The following COL13A1 variants were observed in gnomAD, a reference collection of about 807,000 sequenced individuals.
The protein encoded by COL13A1 is collagen alpha-1(XIII) chain.
In COL13A1, 89 loss-of-function variants were observed where a neutral mutation model predicts 130.9. The observed-to-expected ratio is 0.68, with a 90% CI of 0.57 to 0.81. The LOEUF (loss-of-function observed/expected upper bound fraction) is 0.81, where lower values mean the gene tolerates loss of function less well. Among genes scored for constraint, COL13A1 ranks in the 30% least tolerant of loss-of-function variants. The pLI is 0.00. For synonymous variants in COL13A1, 402 were observed against 341.6 expected (o/e 1.18, Z -1.95); for missense variants, 879 against 934.6 (o/e 0.94, Z 0.78).
chr10:69,887,820 C>T (rs1015313896), intron 8 of COL13A1, among the ~76,000 whole-genome samples: 2 of 152,212 alleles, frequency 1.3e-5, no homozygotes, highest in African/African-American at 4.8e-5. Flanking sequence ...CACCCTGCAG[C>T]TCAGCCTGTG....
chr10:69,841,551 A>T (rs1468514459), intron 2 of COL13A1, among the ~76,000 whole-genome samples: 1 of 152,236 alleles, frequency 6.6e-6, no homozygotes, highest in Non-Finnish European at 1.5e-5. Context: ...CACTCACTCC[A>T]TGCCATGCCT....
chr10:69,848,932 G>T (rs1327566700), intron 2 of COL13A1, among the ~76,000 whole-genome samples: 1 of 152,154 alleles, frequency 6.6e-6, no homozygotes, highest in Admixed American at 6.5e-5. Context: ...TGCTTCTGTG[G>T]TGCTGTCCCC....
At chr10:69,855,014 A>G (rs1353030985) in intron 2 of COL13A1, among the ~76,000 whole-genome samples, 2 of 152,176 alleles carry the variant, frequency 1.3e-5, no homozygotes, top group African/African-American at 4.8e-5. Flanking sequence ...TCATAGACCC[A>G]GGCAAGAATC....
chr10:69,907,096 T>C (rs1186404211), intron 17 of COL13A1, among the ~76,000 whole-genome samples: 1 of 152,216 alleles, frequency 6.6e-6, no homozygotes, highest in Non-Finnish European at 1.5e-5. Flanking sequence ...ATATTTTAGA[T>C]AGGTAAACAA....
chr10:69,859,532 C>G (rs993472520), intron 2 of COL13A1, among the ~76,000 whole-genome samples: 1 of 152,240 alleles, frequency 6.6e-6, no homozygotes, highest in East Asian at 1.9e-4. Flanking sequence ...CCAGGCAGGG[C>G]CTTGCACAGG....
chr10:69,853,654 A>G (rs1263460838), intron 2 of COL13A1, among the ~76,000 whole-genome samples: 3 of 152,260 alleles, frequency 2.0e-5, no homozygotes, highest in African/African-American at 7.2e-5. Flanking sequence ...AGAATATAAA[A>G]AACACAGAAA....
chr10:69,913,498 G>C (rs2063593977), intron 17 of COL13A1, among the ~76,000 whole-genome samples: 1 of 152,178 alleles, frequency 6.6e-6, no homozygotes, highest in Non-Finnish European at 1.5e-5. Context: ...AATTAGAAAA[G>C]AAGGAGCCCT....
At chr10:69,956,818 T>A (rs1227049951) in intron 39 of COL13A1, 186 bp from the exon 40 acceptor site, 2 of 596,318 alleles carry the variant, frequency 3.4e-6, no homozygotes, top group Non-Finnish European at 6.2e-6. Context: ...AATGGTAAAA[T>A]AGCCGGATTT....
At chr10:69,821,093 A>G (rs796606987) in intron 1 of COL13A1, among the ~76,000 whole-genome samples, 23 of 152,372 alleles carry the variant, frequency 1.5e-4, no homozygotes, top group African/African-American at 5.3e-4. Flanking sequence ...TTGTCAGGGT[A>G]GGGACTACAG....
At position 69,829,119 on chromosome 10, in the gene COL13A1, A is replaced by G. The variant is rs1033394780; in HGVS notation, c.364+6681A>G. On this transcript the variant is annotated intron_variant, in intron 2 of 40. Transcript: ENST00000645393. Reference sequence around the variant, plus strand: ...CTCGACCTCTCCCAGCATCTAAGCCATGACCTGGGCTTCAGGCTGAACACC... The same window carrying G: ...CTCGACCTCTCCCAGCATCTAAGCCGTGACCTGGGCTTCAGGCTGAACACC... 7 of 503,234 alleles carry G rather than the reference A, an allele frequency of 1.4e-5. No individual in the cohort carries two copies. The Admixed American group carries it at 3.8e-4, about 28-fold the overall frequency. 31.2% of individuals were successfully genotyped at this position (503,234 alleles called of 1,614,324 possible).
intron 4 of COL13A1, among the ~76,000 whole-genome samples, chr10:69,874,427 T>G (rs966355867): frequency 6.6e-6 from 1 of 152,148 alleles, no homozygotes; most frequent in African/African-American, 2.4e-5. Context: ...GGCAAAAAAA[T>G]ATTTTCTACC....
intron 35 of COL13A1, among the ~76,000 whole-genome samples, chr10:69,943,224 G>A (rs1249197292): frequency 2.0e-5 from 3 of 152,194 alleles, no homozygotes; most frequent in Non-Finnish European, 4.4e-5. Flanking sequence ...GGGGGGCCCT[G>A]AGGACATCTT....
chr10:69,930,683 G>C (rs1239544034), intron 30 of COL13A1, 131 bp downstream of exon 30: 9 of 1,062,608 alleles, frequency 8.5e-6, no homozygotes, highest in Non-Finnish European at 1.2e-5. Context: ...GGGCTTAGGG[G>C]TGGAGGATTC....
At chr10:69,918,418 A>C in intron 19 of COL13A1, 101 bp downstream of exon 19, 3 of 1,112,858 alleles carry the variant, frequency 2.7e-6, no homozygotes, top group Non-Finnish European at 4.0e-6. Context: ...TGCCAGACCA[A>C]TGAGGGGGCA....
intron 2 of COL13A1, 150 bp downstream of exon 2, chr10:69,822,588 C>G: frequency 1.7e-6 from 1 of 574,416 alleles, no homozygotes; most frequent in East Asian, 3.4e-5. Flanking sequence ...TGCCTTCCAT[C>G]TGCTCACAGA....
chr10:69,921,788 G>A, intron 21 of COL13A1, 94 bp from the exon 22 acceptor site: 1 of 1,502,426 alleles, frequency 6.7e-7, no homozygotes. Flanking sequence ...GCAGGAGCAA[G>A]GGAAGGCAAG....
chr10:69,915,814 TG>T (rs2063858558), intron 17 of COL13A1, among the ~76,000 whole-genome samples: 1 of 152,096 alleles, frequency 6.6e-6, no homozygotes, highest in African/African-American at 2.4e-5. Flanking sequence ...TAAGTTGAAA[TG>T]GAAGAAAGAC....
chr10:69,883,875 G>A (rs925626355), intron 7 of COL13A1, among the ~76,000 whole-genome samples: 3 of 152,222 alleles, frequency 2.0e-5, no homozygotes, highest in Non-Finnish European at 4.4e-5. Flanking sequence ...GAGGCTGGCT[G>A]GAAGGCACTT....
At chr10:69,933,799 T>C (rs1182515535) in intron 31 of COL13A1, among the ~76,000 whole-genome samples, 4 of 152,226 alleles carry the variant, frequency 2.6e-5, no homozygotes, top group Admixed American at 2.0e-4. Context: ...AAATAACTTA[T>C]AGTAATAATA....
Sources: allele counts gnomAD v4.1 joint callset (sites outside exome capture counted in the v4.1 genomes callset), GRCh38; gene constraint gnomAD v4.1.1; transcripts MANE v1.5; gene names NCBI Gene and HGNC (gene_info 2026-07-23, HGNC 2026-07-21).